SFN: variants seen among roughly 807,000 people sequenced by gnomAD.
SFN encodes 14-3-3 protein sigma.
In SFN, 5 loss-of-function variants were observed where a neutral mutation model predicts 19.1. The ratio of observed to expected loss-of-function variants is 0.26; its 90% CI spans 0.14 to 0.55. The LOEUF is 0.55. SFN is among the 20% of genes least tolerant of loss of function. The pLI is 0.94. For synonymous variants in SFN, 130 were observed against 140.9 expected (o/e 0.92, Z 0.55); for missense variants, 287 against 330.0 (o/e 0.87, Z 1.01).
rs3065004 is a variant in SFN at position 26,864,330 on chromosome 1, GGTGTGTGTGT to G, written c.*397_*406del. The stretch of plus-strand genomic sequence containing the variant: ...TGGACAGTGGCAGGGGCTGGAGATG[GGTGTGTGTGT>G]GTGTGTGTGTGTGTGTGTGTGTGTG... On this transcript the variant is annotated 3_prime_UTR_variant, in exon 1 of 1. Coordinates refer to ENST00000339276, the MANE Select transcript of SFN (RefSeq NM_006142.5). This position sits in a 1 kb window ranked among gnomAD's most constrained non-coding sequence, Gnocchi z 5.2. 6.8e-4 allele frequency: 137 copies of G among 202,566 alleles called. No homozygotes were observed. The highest frequency in any genetic ancestry group is 1.3e-3 in the Admixed American group (22 of 16,448). 12.5% of individuals were successfully genotyped at this position (202,566 alleles called of 1,614,324 possible).
rs548333277 is a variant in SFN at position 26,863,400 on chromosome 1, C to T, written c.188C>T (p.Ser63Phe). 1 of 1,614,136 alleles carries T rather than the reference C, an allele frequency of 6.2e-7. No homozygotes were observed. The highest frequency in any genetic ancestry group is 8.5e-7 in the Non-Finnish European group (1 of 1,179,992). The change falls in exon 1 of 1, where the codon TCC (serine) becomes TTC (phenylalanine). Residue 63 changes from serine (S) to phenylalanine (F), a missense_variant. By Grantham distance (155) the Ser-to-Phe change is radical. Transcript: ENST00000339276. This position sits in a 1 kb window ranked among gnomAD's most constrained non-coding sequence, Gnocchi z 7.4. Reference sequence around the variant, plus strand: ...CAGAGGGCTGCCTGGAGGGTGCTGTCCAGTATTGAGCAGAAAAGCAACGAG... The same window carrying T: ...CAGAGGGCTGCCTGGAGGGTGCTGTTCAGTATTGAGCAGAAAAGCAACGAG... ...GGQRAAWRVLSSIEQKSNEEG... is the reference protein window; with the variant it reads ...GGQRAAWRVLFSIEQKSNEEG...
In SFN at chr1:26,863,468, G is replaced by A. The variant is rs1169884128; in HGVS notation, c.256G>A (p.Glu86Lys). The stretch of plus-strand genomic sequence containing the variant: ...GGGGCCCGAGGTGCGTGAGTACCGG[G>A]AGAAGGTGGAGACTGAGCTCCAGGG... ...EKGPEVREYR[E>K]KVETELQGVC... is the part of the protein sequence containing the mutation. Residue 86 changes from glutamate to lysine, a missense_variant, in exon 1 of 1, where the codon GAG becomes AAG. Glu to Lys is a moderately conservative substitution (Grantham distance 56). Transcript: ENST00000339276. This position sits in a 1 kb window ranked among gnomAD's most constrained non-coding sequence, Gnocchi z 7.4. 1.9e-6 allele frequency: 3 copies of A among 1,614,140 alleles called. No homozygotes were observed. Among genetic ancestry groups the A allele is most frequent in the Non-Finnish European group, 2.5e-6 (3 of 1,180,020 alleles).
rs767182909 is a variant in SFN at position 26,863,358 on chromosome 1, A to G, written c.146A>G (p.Lys49Arg). 1.2e-6 allele frequency: 2 copies of G among 1,614,098 alleles called. No individual in the cohort carries two copies. Among genetic ancestry groups the G allele is most frequent in the Non-Finnish European group, 1.7e-6 (2 of 1,179,956 alleles). The change falls in exon 1 of 1, where the codon AAG (lysine) becomes AGG (arginine). Residue 49 changes from lysine (K) to arginine (R), a missense_variant. By Grantham distance (26) the Lys-to-Arg change is conservative (BLOSUM62 2). Coordinates refer to ENST00000339276, the MANE Select transcript of SFN (RefSeq NM_006142.5). The surrounding 1 kb of genome is among the most constrained non-coding windows in gnomAD (Gnocchi z 7.4). ...EERNLLSVAY[K>R]NVVGGQRAAW... is the part of the protein sequence containing the mutation. ...CGAAACCTGCTCTCAGTAGCCTATA[A>G]GAACGTGGTGGGCGGCCAGAGGGCT... is the stretch of plus-strand genomic sequence containing the variant.
At position 26,863,812 on chromosome 1, in the gene SFN, G is replaced by C; in HGVS notation, c.600G>C (p.Glu200Asp). 6.2e-7 allele frequency: 1 copy of C among 1,613,992 alleles called. No individual in the cohort carries two copies. Among genetic ancestry groups the C allele is most frequent in the Non-Finnish European group, 8.5e-7 (1 of 1,180,008 alleles). The change falls in exon 1 of 1, where the codon GAG becomes GAC. Residue 200 changes from glutamate to aspartate, a missense_variant. Transcript: ENST00000339276. This position sits in a 1 kb window ranked among gnomAD's most constrained non-coding sequence, Gnocchi z 7.4. Reference protein sequence around the residue: ...AISLAKTTFDEAMADLHTLSE... With the variant: ...AISLAKTTFDDAMADLHTLSE... ...CTCTGGCCAAGACCACTTTCGACGAGGCCATGGCTGATCTGCACACCCTCA... is the reference window on the plus strand; with the variant it reads ...CTCTGGCCAAGACCACTTTCGACGACGCCATGGCTGATCTGCACACCCTCA...
rs374076427 is a variant in SFN at position 26,863,185 on chromosome 1, C to T, written c.-28C>T. 1.1e-5 allele frequency: 18 copies of T among 1,609,652 alleles called. No individual in the cohort carries two copies. Among genetic ancestry groups the T allele is most frequent in the Non-Finnish European group, 1.4e-5 (17 of 1,178,408 alleles). On this transcript the variant is annotated 5_prime_UTR_variant, in exon 1 of 1. Coordinates refer to ENST00000339276, the MANE Select transcript of SFN (RefSeq NM_006142.5). The surrounding 1 kb of genome is among the most constrained non-coding windows in gnomAD (Gnocchi z 7.4). ...CATTGGTCCCAGGCAGCAGTTAGCCCGCCGCCCGCCTGTGTGTCCCCAGAG... is the reference window on the plus strand; with the variant it reads ...CATTGGTCCCAGGCAGCAGTTAGCCTGCCGCCCGCCTGTGTGTCCCCAGAG...
rs2081774818 is a variant in SFN, at chr1:26,864,171, C to T, written c.*212C>T. ...AGCGCACCTAACCACTGGTCATGCCCCCACCCCTGCTCTCCGCACCCGCTT... is the reference window on the plus strand; with the variant it reads ...AGCGCACCTAACCACTGGTCATGCCTCCACCCCTGCTCTCCGCACCCGCTT... On this transcript the variant is annotated 3_prime_UTR_variant, in exon 1 of 1. Transcript: ENST00000339276. This position sits in a 1 kb window ranked among gnomAD's most constrained non-coding sequence, Gnocchi z 5.2. The T allele has an allele frequency of 6.9e-6, 4 of 576,706 alleles. No individual in the cohort carries two copies. The highest frequency in any genetic ancestry group is 1.3e-5 in the Non-Finnish European group (4 of 317,242). 35.7% of individuals were successfully genotyped at this position (576,706 alleles called of 1,614,324 possible). A position where few individuals can be genotyped will look rare whatever the true frequency, so the allele number is the denominator to read the frequency against.
Position 26,863,395 on chromosome 1 carries a change from G to T in SFN, c.183G>T (p.Val61=). 1 of 1,614,098 alleles carries T rather than the reference G, an allele frequency of 6.2e-7. No individual in the cohort carries two copies. The highest frequency in any genetic ancestry group is 8.5e-7 in the Non-Finnish European group (1 of 1,179,958). The change falls in exon 1 of 1, where the codon GTG becomes GTT. Residue 61 remains valine, a synonymous_variant. Transcript: ENST00000339276. This position sits in a 1 kb window ranked among gnomAD's most constrained non-coding sequence, Gnocchi z 7.4. ...VVGGQRAAWR[V]LSSIEQKSNE... is the part of the protein sequence containing the mutation. ...GCGGCCAGAGGGCTGCCTGGAGGGT[G>T]CTGTCCAGTATTGAGCAGAAAAGCA...
rs3065004 is a variant in SFN at position 26,864,330 on chromosome 1, G to GGTGTGTGT, written c.*399_*406dup. 1,406 of 202,616 alleles carry GGTGTGTGT rather than the reference G, an allele frequency of 6.9e-3. 5 individuals are homozygous for GGTGTGTGT. The highest frequency in any genetic ancestry group is 9.3e-3 in the Non-Finnish European group (867 of 93,356). 12.6% of individuals were successfully genotyped at this position (202,616 alleles called of 1,614,324 possible). On this transcript the variant is annotated 3_prime_UTR_variant, in exon 1 of 1. Coordinates refer to ENST00000339276, the MANE Select transcript of SFN (RefSeq NM_006142.5). The surrounding 1 kb of genome is among the most constrained non-coding windows in gnomAD (Gnocchi z 5.2). The stretch of plus-strand genomic sequence containing the variant: ...TGGACAGTGGCAGGGGCTGGAGATG[G>GGTGTGTGT]GTGTGTGTGTGTGTGTGTGTGTGTG...
rs767744294 is a variant in SFN at position 26,863,925 on chromosome 1, AG to A, written c.719del (p.Gly240AlafsTer30). 5 of 1,613,444 alleles carry A rather than the reference AG, an allele frequency of 3.1e-6. No homozygotes were observed. Among genetic ancestry groups the A allele is most frequent in the African/African-American group, 1.3e-5 (1 of 75,016 alleles). On this transcript the variant is annotated frameshift_variant, in exon 1 of 1. Transcript: ENST00000339276. LOFTEE classifies it high-confidence loss of function. This position sits in a 1 kb window ranked among gnomAD's most constrained non-coding sequence, Gnocchi z 7.4. ...TLWTADNAGE[E>X]GGEAPQEPQS The stretch of plus-strand genomic sequence containing the variant: ...TGGACGGCCGACAACGCCGGGGAAG[AG>A]GGGGGCGAGGCTCCCCAGGAGCCCC...
In SFN at chr1:26,863,523, A is replaced by ACAGC. The variant is rs1339697620; in HGVS notation, c.314_317dup (p.His106GlnfsTer22). Reference sequence around the variant, plus strand: ...TGCGACACCGTGCTGGGCCTGCTGGACAGCCACCTCATCAAGGAGGCCGGG... The same window carrying ACAGC: ...TGCGACACCGTGCTGGGCCTGCTGGACAGCCAGCCACCTCATCAAGGAGGCCGGG... On this transcript the variant is annotated frameshift_variant, in exon 1 of 1. Transcript: ENST00000339276. LOFTEE classifies it high-confidence loss of function. This position sits in a 1 kb window ranked among gnomAD's most constrained non-coding sequence, Gnocchi z 7.4. 2 of 1,613,824 alleles carry ACAGC rather than the reference A, an allele frequency of 1.2e-6. No homozygotes were observed. The highest frequency in any genetic ancestry group is 1.7e-6 in the Non-Finnish European group (2 of 1,179,928).
In SFN at chr1:26,864,014, G is replaced by A; in HGVS notation, c.*55G>A. On this transcript the variant is annotated 3_prime_UTR_variant, in exon 1 of 1. Coordinates refer to ENST00000339276, the MANE Select transcript of SFN (RefSeq NM_006142.5). The surrounding 1 kb of genome is among the most constrained non-coding windows in gnomAD (Gnocchi z 5.2). ...CCTCCAGTCCCCCACCCTGCCGAGA[G>A]GACTAGTATGGGGTGGGAGGCCCCA... 2 of 1,423,372 alleles carry A rather than the reference G, an allele frequency of 1.4e-6. No individual in the cohort carries two copies. Among genetic ancestry groups the A allele is most frequent in the East Asian group, 2.4e-5 (1 of 41,070 alleles). The allele number at this position is 1,423,372 out of a possible 1,614,324, so 88.2% of individuals were successfully genotyped here. A position where few individuals can be genotyped will look rare whatever the true frequency, so the allele number is the denominator to read the frequency against.
rs762900135 is a variant in SFN, at chr1:26,863,346, C to T, written c.134C>T (p.Ser45Leu). 6 of 1,614,024 alleles carry T rather than the reference C, an allele frequency of 3.7e-6. No individual in the cohort carries two copies. The highest frequency in any genetic ancestry group is 2.7e-5 in the African/African-American group (2 of 74,930). ...ELSCEERNLL[S>L]VAYKNVVGGQ... ...TCCTGCGAAGAGCGAAACCTGCTCT[C>T]AGTAGCCTATAAGAACGTGGTGGGC... The change falls in exon 1 of 1, where the codon TCA (serine) becomes TTA (leucine). Residue 45 changes from serine (S) to leucine (L), a missense_variant. Transcript: ENST00000339276. This position sits in a 1 kb window ranked among gnomAD's most constrained non-coding sequence, Gnocchi z 7.4.
rs77608477 is a variant in SFN at position 26,863,349 on chromosome 1, T to A, written c.137T>A (p.Val46Glu). Reference protein sequence around the residue: ...LSCEERNLLSVAYKNVVGGQR... With the variant: ...LSCEERNLLSEAYKNVVGGQR... Reference sequence around the variant, plus strand: ...TGCGAAGAGCGAAACCTGCTCTCAGTAGCCTATAAGAACGTGGTGGGCGGC... The same window carrying A: ...TGCGAAGAGCGAAACCTGCTCTCAGAAGCCTATAAGAACGTGGTGGGCGGC... Residue 46 changes from valine to glutamate, a missense_variant, in exon 1 of 1, where the codon GTA becomes GAA. By Grantham distance (121) the Val-to-Glu change is moderately radical. Coordinates refer to ENST00000339276, the MANE Select transcript of SFN (RefSeq NM_006142.5). This position sits in a 1 kb window ranked among gnomAD's most constrained non-coding sequence, Gnocchi z 7.4. The A allele has an allele frequency of 2.5e-6, 4 of 1,614,116 alleles. No homozygotes were observed. In the South Asian group the frequency reaches 4.4e-5, roughly 18 times the overall value.
At position 26,864,065 on chromosome 1, in the gene SFN, G is replaced by A; in HGVS notation, c.*106G>A. On this transcript the variant is annotated 3_prime_UTR_variant, in exon 1 of 1. Transcript: ENST00000339276. This position sits in a 1 kb window ranked among gnomAD's most constrained non-coding sequence, Gnocchi z 5.2. ...CCCTTCTCCCCTAGGCGCTGTTCTTGCTCCAAAGGGCTCCGTGGAGAGGGA... is the reference window on the plus strand; with the variant it reads ...CCCTTCTCCCCTAGGCGCTGTTCTTACTCCAAAGGGCTCCGTGGAGAGGGA... The A allele has an allele frequency of 1.0e-6, 1 of 1,000,846 alleles. No individual in the cohort carries two copies. Among genetic ancestry groups the A allele is most frequent in the Non-Finnish European group, 1.4e-6 (1 of 692,210 alleles). 62.0% of individuals were successfully genotyped at this position (1,000,846 alleles called of 1,614,324 possible).
rs1406900592 is a variant in SFN, at chr1:26,864,212, A to T, written c.*253A>T. The T allele has an allele frequency of 5.6e-6, 3 of 532,858 alleles. No homozygotes were observed. Among genetic ancestry groups the T allele is most frequent in the Non-Finnish European group, 1.0e-5 (3 of 289,536 alleles). The allele number at this position is 532,858 out of a possible 1,614,324, so 33.0% of individuals were successfully genotyped here. On this transcript the variant is annotated 3_prime_UTR_variant, in exon 1 of 1. Coordinates refer to ENST00000339276, the MANE Select transcript of SFN (RefSeq NM_006142.5). The surrounding 1 kb of genome is among the most constrained non-coding windows in gnomAD (Gnocchi z 5.2). ...GCACCCGCTTCCTCCCGACCCCAGG[A>T]CCAGGCTACTTCTCCCCTCCTCTTG...
In SFN at chr1:26,864,001, C is replaced by G. The variant is rs1244176155; in HGVS notation, c.*42C>G. ...CCCCGCCCTGCCCCCTCCAGTCCCC[C>G]ACCCTGCCGAGAGGACTAGTATGGG... On this transcript the variant is annotated 3_prime_UTR_variant, in exon 1 of 1. Coordinates refer to ENST00000339276, the MANE Select transcript of SFN (RefSeq NM_006142.5). The surrounding 1 kb of genome is among the most constrained non-coding windows in gnomAD (Gnocchi z 5.2). 1.3e-6 allele frequency: 2 copies of G among 1,491,424 alleles called. No individual in the cohort carries two copies. Among genetic ancestry groups the G allele is most frequent in the South Asian group, 2.6e-5 (2 of 77,252 alleles). 92.4% of individuals were successfully genotyped at this position (1,491,424 alleles called of 1,614,324 possible). A position where few individuals can be genotyped will look rare whatever the true frequency, so the allele number is the denominator to read the frequency against.
At position 26,863,276 on chromosome 1, in the gene SFN, A is replaced by G; in HGVS notation, c.64A>G (p.Met22Val). The G allele has an allele frequency of 6.2e-7, 1 of 1,614,254 alleles. No homozygotes were observed. Among genetic ancestry groups the G allele is most frequent in the East Asian group, 2.2e-5 (1 of 44,890 alleles). ...LAEQAERYED[M>V]AAFMKGAVEK... Reference sequence around the variant, plus strand: ...AGAGCAGGCCGAACGCTATGAGGACATGGCAGCCTTCATGAAAGGCGCCGT... The same window carrying G: ...AGAGCAGGCCGAACGCTATGAGGACGTGGCAGCCTTCATGAAAGGCGCCGT... Residue 22 changes from methionine (M) to valine (V), a missense_variant, in exon 1 of 1, where the codon ATG (methionine) becomes GTG (valine). Transcript: ENST00000339276. This position sits in a 1 kb window ranked among gnomAD's most constrained non-coding sequence, Gnocchi z 7.4.
chr1:26,863,586 G>T lies in SFN; in HGVS notation c.374G>T (p.Gly125Val). The T allele has an allele frequency of 6.2e-7, 1 of 1,614,076 alleles. No individual in the cohort carries two copies. The highest frequency in any genetic ancestry group is 8.5e-7 in the Non-Finnish European group (1 of 1,180,000). ...CGGGTCTTCTACCTGAAGATGAAGG[G>T]TGACTACTACCGCTACCTGGCCGAG... Reference protein sequence around the residue: ...ESRVFYLKMKGDYYRYLAEVA... With the variant: ...ESRVFYLKMKVDYYRYLAEVA... Residue 125 changes from glycine (G) to valine (V), a missense_variant, in exon 1 of 1, where the codon GGT (glycine) becomes GTT (valine). Transcript: ENST00000339276. The surrounding 1 kb of genome is among the most constrained non-coding windows in gnomAD (Gnocchi z 7.4).
chr1:26,863,686 CAAG>C lies in SFN; in HGVS notation c.478_480del (p.Lys160del). On this transcript the variant is annotated inframe_deletion, in exon 1 of 1. Coordinates refer to ENST00000339276, the MANE Select transcript of SFN (RefSeq NM_006142.5). This position sits in a 1 kb window ranked among gnomAD's most constrained non-coding sequence, Gnocchi z 7.4. ...CCTACCAGGAGGCCATGGACATCAG[CAAG>C]AAGGAGATGCCGCCCACCAACCCCA... 10 of 1,614,104 alleles carry C rather than the reference CAAG, an allele frequency of 6.2e-6. No homozygotes were observed. Among genetic ancestry groups the C allele is most frequent in the Admixed American group, 1.7e-5 (1 of 60,014 alleles).
Sources: gnomAD v4.1 joint callset for allele counts on GRCh38, gnomAD v4.1.1 for gene constraint, Gnocchi (gnomAD v3.1) non-coding constraint, MANE v1.5 for transcripts, NCBI Gene and HGNC (gene_info 2026-07-23, HGNC 2026-07-21) for gene names.